The following APOO variants were observed in gnomAD, a reference collection of about 807,000 sequenced individuals.
APOO encodes apolipoprotein O.
APOO carries 11 observed loss-of-function variants against 23.1 expected under a neutral mutation model. That is an observed-to-expected ratio of 0.48 (90% CI 0.30 to 0.79). The LOEUF (loss-of-function observed/expected upper bound fraction) is 0.79. APOO is among the 30% of genes least tolerant of loss of function. The pLI is 0.07. For synonymous variants in APOO, 59 were observed against 54.8 expected, an observed-to-expected ratio of 1.08 and a Z score of -0.34; for missense variants, 160 against 142.7, an observed-to-expected ratio of 1.12 and a Z score of -0.62.
At chrX:23,895,781 A>C (rs1926870155) in intron 1 of APOO, among the ~76,000 whole-genome samples, 1 of 109,676 alleles carries the variant, frequency 9.1e-6, no homozygotes, top group South Asian at 4.0e-4. Flanking sequence ...GGTGGCGGTA[A>C]AGAATCAAGC....
intron 3 of APOO, among the ~76,000 whole-genome samples, chrX:23,875,693 T>C (rs1010248769): frequency 9.1e-6 from 1 of 109,844 alleles, no homozygotes. Context: ...CTGCTGGGAT[T>C]ACAGGCGTGA....
At chrX:23,904,634 G>A (rs1396763778) in intron 1 of APOO, among the ~76,000 whole-genome samples, 1 of 107,795 alleles carries the variant, frequency 9.3e-6, no homozygotes, top group African/African-American at 3.4e-5. Context: ...AGCCTCCCGA[G>A]TAGCTGAGAC....
chrX:23,878,716 TTGCTA>T (rs1925967531), intron 3 of APOO, among the ~76,000 whole-genome samples, 194 bp downstream of exon 3: 4 of 72 alleles, frequency 0.056, no homozygotes, highest in Non-Finnish European at 0.13. Context: ...TTATTCATTC[TTGCTA>T]CTTGCTATTT....
At chrX:23,840,419 A>T in intron 7 of APOO, 42 bp from the exon 8 acceptor site, 3 of 1,113,443 alleles carry the variant, frequency 2.7e-6, no homozygotes, top group Non-Finnish European at 3.7e-6. Context: ...GTTTGAAAAG[A>T]AATAGTGCAA....
chrX:23,836,701 C>T, intron 8 of APOO: 1 of 423,790 alleles, frequency 2.4e-6, no homozygotes. Context: ...TCTTAAGTGT[C>T]ATCTGGCATC....
At chrX:23,867,144 GAA>G (rs1925380507) in intron 5 of APOO, among the ~76,000 whole-genome samples, 2 of 75,109 alleles carry the variant, frequency 2.7e-5, no homozygotes, top group Non-Finnish European at 4.8e-5. Context: ...GAAACGAAAC[GAA>G]ACTAAACTAA....
intron 1 of APOO, among the ~76,000 whole-genome samples, chrX:23,889,931 G>T (rs1430975434): frequency 9.1e-6 from 1 of 110,371 alleles, no homozygotes; most frequent in Admixed American, 9.8e-5. Flanking sequence ...AAAGTGCTGG[G>T]ATTACAGGCG....
intron 1 of APOO, among the ~76,000 whole-genome samples, chrX:23,898,370 TG>T (rs1421424887): frequency 1.8e-5 from 2 of 110,950 alleles, no homozygotes; most frequent in African/African-American, 6.6e-5. Flanking sequence ...CCCAAAGTGC[TG>T]GGATTACAGG....
At chrX:23,877,026 T>A (rs956500577) in intron 3 of APOO, among the ~76,000 whole-genome samples, 2 of 111,815 alleles carry the variant, frequency 1.8e-5, no homozygotes, top group African/African-American at 6.5e-5. Context: ...AACTAATCCA[T>A]CATCCAGAGA....
rs753270014 is a variant in APOO at position 23,868,490 on chromosome X, C to T, written c.388+103G>A. ...ACATTAAGAAAGCCGTATTTAGGAA[C>T]CAACTCATTATTCTGAAACCTGGTA... On this transcript the variant is annotated intron_variant, in intron 5 of 8. Transcript: ENST00000379226. 1.2e-5 allele frequency: 7 copies of T among 607,278 alleles called. No homozygotes were observed. In the South Asian group the frequency reaches 2.7e-4, roughly 23 times the overall value. 50.0% of individuals were successfully genotyped at this position (607,278 alleles called of 1,213,427 possible). A position where few individuals can be genotyped will look rare whatever the true frequency, so the allele number is the denominator to read the frequency against.
chrX:23,838,754 T>C (rs747558573), intron 8 of APOO, among the ~76,000 whole-genome samples: 1 of 111,617 alleles, frequency 9.0e-6, no homozygotes, highest in East Asian at 2.8e-4. Context: ...AAAAACATTT[T>C]TTACAACCAA....
intron 1 of APOO, among the ~76,000 whole-genome samples, chrX:23,898,267 T>G (rs1267736098): frequency 9.2e-6 from 1 of 108,693 alleles, no homozygotes; most frequent in Non-Finnish European, 1.9e-5. Context: ...CCTGGCTAAT[T>G]TTTGCATTTT....
At chrX:23,844,459 C>T (rs1031631960) in intron 7 of APOO, among the ~76,000 whole-genome samples, 2 of 110,942 alleles carry the variant, frequency 1.8e-5, no homozygotes, top group Non-Finnish European at 3.8e-5. Context: ...GGGCTTGATT[C>T]AAGCATAAGA....
chrX:23,876,060 G>A (rs1050375508), intron 3 of APOO, among the ~76,000 whole-genome samples: 8 of 109,571 alleles, frequency 7.3e-5, no homozygotes, highest in Non-Finnish European at 1.5e-4. Flanking sequence ...TCAGGAGATC[G>A]AGACCATCCT....
chrX:23,891,779 A>G (rs1601937837), intron 1 of APOO, among the ~76,000 whole-genome samples: 1 of 110,208 alleles, frequency 9.1e-6, no homozygotes, highest in East Asian at 2.8e-4. Context: ...AAGTATATAT[A>G]CACTTACAGT....
intron 1 of APOO, among the ~76,000 whole-genome samples, chrX:23,889,777 C>G (rs760316012): frequency 2.8e-5 from 3 of 107,882 alleles, no homozygotes; most frequent in East Asian, 5.8e-4. Flanking sequence ...ATTCTCCTGC[C>G]TCAGCCTCCT....
intron 5 of APOO, among the ~76,000 whole-genome samples, chrX:23,866,766 G>A (rs1448082990): frequency 9.1e-6 from 1 of 109,508 alleles, no homozygotes; most frequent in Non-Finnish European, 1.9e-5. Context: ...TCCAGCCTGG[G>A]TGACAGAGTG....
In APOO at chrX:23,889,723, T is replaced by C. The variant is rs376277575; in HGVS notation, c.10-8771A>G. On this transcript the variant is annotated intron_variant, in intron 1 of 8. Transcript: ENST00000379226. The stretch of plus-strand genomic sequence containing the variant: ...TGTCGCCCAGGCTGGAGTGCAGTGG[T>C]GCGATCTTGGCTCACTGCAAGCTCC... 2.4e-4 allele frequency among the ~76,000 whole-genome samples: 24 copies of C among 98,221 alleles called. No individual in the cohort carries two copies. The East Asian group carries it at 5.1e-3, about 21-fold the overall frequency. 85.3% of individuals were successfully genotyped at this position (98,221 alleles called of 115,157 possible).
chrX:23,834,252 C>A (rs1450177553), intron 8 of APOO, among the ~76,000 whole-genome samples: 1 of 106,158 alleles, frequency 9.4e-6, no homozygotes, highest in Non-Finnish European at 1.9e-5. Context: ...AAAAATTAGC[C>A]GGGCATGGTG....
Sources: gnomAD v4.1 joint callset for allele counts (sites outside exome capture counted in the v4.1 genomes callset) on GRCh38, gnomAD v4.1.1 for gene constraint, MANE v1.5 for transcripts, NCBI Gene and HGNC (gene_info 2026-07-23, HGNC 2026-07-21) for gene names.